Variants in SH3KBP1 observed in about 807,000 individuals in gnomAD.
SH3KBP1 encodes the protein SH3 domain-containing kinase-binding protein 1.
A neutral mutation model predicts 50.1 loss-of-function variants in SH3KBP1; 8 were observed. That is an observed-to-expected ratio of 0.16 (90% CI 0.09 to 0.29). The LOEUF (loss-of-function observed/expected upper bound fraction) is 0.29. Among genes scored for constraint, SH3KBP1 ranks in the 10% least tolerant of loss-of-function variants. SH3KBP1 has a pLI of 1.00. For synonymous variants in SH3KBP1, 227 were observed against 218.6 expected, an observed-to-expected ratio of 1.04 and a Z score of -0.34; for missense variants, 377 against 535.2, an observed-to-expected ratio of 0.70 and a Z score of 2.92.
chrX:19,796,998 C>A (rs1161782298), intron 2 of SH3KBP1, among the ~76,000 whole-genome samples: 1 of 112,489 alleles, frequency 8.9e-6, no homozygotes, highest in East Asian at 2.8e-4. Context: ...AGCAACTATT[C>A]ATTCAACAAA....
At position 19,883,143 on chromosome X, in the gene SH3KBP1, G is replaced by GA. The variant is rs1185404296; in HGVS notation, c.4+4163dup. On this transcript the variant is annotated intron_variant, in intron 1 of 17. Transcript: ENST00000397821. ...GATCAGAACCACCTGGAGGACTCAT[G>GA]AAAATGCAGATTGCTGGGCCCCATC... Among the ~76,000 whole-genome samples the GA allele has an allele frequency of 4.5e-5, 5 of 112,259 alleles. No homozygotes were observed. The East Asian group carries it at 1.1e-3, about 25-fold the overall frequency.
chrX:19,634,804 G>GGA (rs1262845277), intron 7 of SH3KBP1, among the ~76,000 whole-genome samples: 2 of 111,889 alleles, frequency 1.8e-5, no homozygotes, highest in Non-Finnish European at 3.8e-5. Context: ...AGGGGAGAGA[G>GGA]GAGAGTCTGG....
chrX:19,838,098 C>A (rs1483984), intron 1 of SH3KBP1, among the ~76,000 whole-genome samples: 15,371 of 106,364 alleles, frequency 0.14, 939 homozygotes, highest in African/African-American at 0.2. Flanking sequence ...ACAACAACAA[C>A]AAACCAACTT....
At chrX:19,588,235 C>A in intron 12 of SH3KBP1, 1 of 702,817 alleles carries the variant, frequency 1.4e-6, no homozygotes, top group Non-Finnish European at 1.9e-6. Flanking sequence ...CAGTGAGGGT[C>A]AGGGGTCGTA....
chrX:19,630,874 C>G (rs915869312), intron 8 of SH3KBP1, among the ~76,000 whole-genome samples: 1 of 111,680 alleles, frequency 9.0e-6, no homozygotes, highest in African/African-American at 3.3e-5. Context: ...ATGGACAAGC[C>G]CTGGGGGAGG....
intron 8 of SH3KBP1, among the ~76,000 whole-genome samples, chrX:19,623,405 G>T (rs1218579863): frequency 1.8e-5 from 2 of 112,048 alleles, no homozygotes; most frequent in East Asian, 2.8e-4. Flanking sequence ...GTGTATCCCC[G>T]CCAGGCGTGG....
At chrX:19,677,950 C>A (rs894367254) in intron 6 of SH3KBP1, among the ~76,000 whole-genome samples, 2 of 111,878 alleles carry the variant, frequency 1.8e-5, no homozygotes, top group African/African-American at 6.5e-5. Context: ...ATATACTGGG[C>A]GTGCTCAGCT....
At chrX:19,751,509 T>G (rs1214159199) in intron 2 of SH3KBP1, among the ~76,000 whole-genome samples, 1 of 111,850 alleles carries the variant, frequency 8.9e-6, no homozygotes, top group East Asian at 2.8e-4. Context: ...TGATTTTGCT[T>G]GCTTAAAGAC....
intron 2 of SH3KBP1, among the ~76,000 whole-genome samples, chrX:19,796,527 C>A (rs965174767): frequency 2.7e-5 from 3 of 111,623 alleles, no homozygotes; most frequent in African/African-American, 9.8e-5. Context: ...GTGCCAAGGT[C>A]GAGACCTCAC....
At chrX:19,885,597 C>T (rs1454988951) in intron 1 of SH3KBP1, among the ~76,000 whole-genome samples, 1 of 110,433 alleles carries the variant, frequency 9.1e-6, no homozygotes, top group Admixed American at 9.7e-5. Context: ...CAGTCCCCTT[C>T]TCATTGAGAT....
intron 2 of SH3KBP1, among the ~76,000 whole-genome samples, chrX:19,761,433 GAAAT>G (rs2065431248): frequency 9.2e-6 from 1 of 108,189 alleles, no homozygotes; most frequent in Non-Finnish European, 1.9e-5. Flanking sequence ...GGGAGAGAGA[GAAAT>G]AAAGCTATAT....
chrX:19,784,128 T>A (rs987935415), intron 2 of SH3KBP1, among the ~76,000 whole-genome samples: 71 of 111,918 alleles, frequency 6.3e-4, no homozygotes, highest in African/African-American at 2.3e-3. Flanking sequence ...GTTCAGAAAA[T>A]CAACAAGATT....
chrX:19,610,764 C>T (rs978333216), intron 8 of SH3KBP1, among the ~76,000 whole-genome samples: 3 of 111,730 alleles, frequency 2.7e-5, no homozygotes, highest in African/African-American at 9.8e-5. Context: ...ACAGTTTTTG[C>T]AATAATCTGA....
chrX:19,553,220 C>T (rs1185295637), intron 13 of SH3KBP1, among the ~76,000 whole-genome samples: 1 of 110,953 alleles, frequency 9.0e-6, no homozygotes, highest in Non-Finnish European at 1.9e-5. Flanking sequence ...TTGGTAAGTC[C>T]ACTTGTGTGC....
chrX:19,813,644 T>C (rs754958156), intron 2 of SH3KBP1, among the ~76,000 whole-genome samples: 18 of 111,275 alleles, frequency 1.6e-4, no homozygotes, highest in Non-Finnish European at 3.0e-4. Flanking sequence ...ATGGAGCAAT[T>C]TTTGTCCAGA....
At chrX:19,712,980 T>C (rs998230151) in intron 3 of SH3KBP1, among the ~76,000 whole-genome samples, 1 of 111,346 alleles carries the variant, frequency 9.0e-6, no homozygotes, top group African/African-American at 3.3e-5. Flanking sequence ...TCCCAGCACT[T>C]TGGGAGGCTG....
At chrX:19,774,443 G>T (rs1355023647) in intron 2 of SH3KBP1, among the ~76,000 whole-genome samples, 2 of 109,975 alleles carry the variant, frequency 1.8e-5, no homozygotes, top group Non-Finnish European at 3.8e-5. Flanking sequence ...AGGCTGAGGC[G>T]GGCGGATCAC....
chrX:19,783,492 T>C (rs2066247894), intron 2 of SH3KBP1, among the ~76,000 whole-genome samples: 1 of 111,070 alleles, frequency 9.0e-6, no homozygotes, highest in Non-Finnish European at 1.9e-5. Flanking sequence ...TACTAGAACT[T>C]ATTCCTCCCA....
At position 19,858,139 on chromosome X, in the gene SH3KBP1, G is replaced by A. The variant is rs191603966; in HGVS notation, c.5-21857C>T. Among the ~76,000 whole-genome samples, 27 of 109,502 alleles carry A rather than the reference G, an allele frequency of 2.5e-4. No homozygotes were observed. In the South Asian group the frequency reaches 9.2e-3, roughly 37 times the overall value. On this transcript the variant is annotated intron_variant, in intron 1 of 17. Transcript: ENST00000397821. ...GGTTGCAGTGAGCCAAGATTGTGCC[G>A]CTACACTCCAGGATAGTTGACAGAG... is the stretch of plus-strand genomic sequence containing the variant.
Sources: gnomAD v4.1 joint callset for allele counts (sites outside exome capture counted in the v4.1 genomes callset) on GRCh38, gnomAD v4.1.1 for gene constraint, MANE v1.5 for transcripts, NCBI Gene and HGNC (gene_info 2026-07-23, HGNC 2026-07-21) for gene names.